TMC1: variants seen among roughly 807,000 people sequenced by gnomAD.
TMC1 encodes transmembrane channel like 1.
TMC1 carries 84 observed loss-of-function variants against 105.8 expected under a neutral mutation model. The observed-to-expected ratio is 0.79, with a 90% CI of 0.67 to 0.95. TMC1 has a LOEUF of 0.95. Ranked by LOEUF, TMC1 falls within the 40% of genes least tolerant of loss-of-function variation. The pLI is 0.00. For missense variants in TMC1, 817 were observed against 914.1 expected (o/e 0.89, Z 1.37); for synonymous variants, 315 against 311.5 (o/e 1.01, Z -0.12).
chr9:72,582,661 C>T (rs921176592), intron 2 of TMC1, among the ~76,000 whole-genome samples: 3 of 152,178 alleles, frequency 2.0e-5, no homozygotes, highest in Admixed American at 2.0e-4. Flanking sequence ...ATTTCTAGCT[C>T]AATGAATGGG....
At chr9:72,547,029 G>A (rs992590263) in intron 1 of TMC1, among the ~76,000 whole-genome samples, 6 of 152,140 alleles carry the variant, frequency 3.9e-5, no homozygotes, top group Non-Finnish European at 5.9e-5. Context: ...GCTCATGCCC[G>A]TAATCCCAGC....
intron 1 of TMC1, among the ~76,000 whole-genome samples, chr9:72,539,245 C>A (rs117380477): frequency 0.036 from 5,498 of 150,666 alleles, 133 homozygotes; most frequent in Middle Eastern, 0.086. Flanking sequence ...AAAACAACAA[C>A]AAAAAAACAA....
chr9:72,660,795 T>G (rs1825959421), intron 5 of TMC1, among the ~76,000 whole-genome samples: 1 of 152,202 alleles, frequency 6.6e-6, no homozygotes, highest in Non-Finnish European at 1.5e-5. Flanking sequence ...TACAATAATG[T>G]CATTCTGATC....
chr9:72,709,986 C>T (rs1432632938), intron 8 of TMC1, among the ~76,000 whole-genome samples: 1 of 152,080 alleles, frequency 6.6e-6, no homozygotes, highest in Non-Finnish European at 1.5e-5. Context: ...TTGGTGTAGG[C>T]ATTTAATGCT....
chr9:72,700,546 T>C lies in TMC1; in HGVS notation c.265T>C (p.Leu89=), dbSNP rs886043585. 6.3e-7 allele frequency: 1 copy of C among 1,598,940 alleles called. No homozygotes were observed. The highest frequency in any genetic ancestry group is 1.3e-5 in the African/African-American group (1 of 74,408). The change falls in exon 8 of 24, where the codon TTG becomes CTG. Residue 89 remains leucine (L), a synonymous_variant. Transcript: ENST00000297784. The part of the protein sequence containing the change: ...AEEEEIDEEE[L]ERLKAELDEK... ...AGAAGAAGAAATTGATGAAGAGGAA[T>C]TGGAAAGATTGAAGGCAGAGTTAGA...
At chr9:72,541,198 A>G (rs1823669917) in intron 1 of TMC1, among the ~76,000 whole-genome samples, 1 of 152,170 alleles carries the variant, frequency 6.6e-6, no homozygotes, top group Non-Finnish European at 1.5e-5. Flanking sequence ...CTAGCCACCT[A>G]TTTTGATGCC....
intron 8 of TMC1, among the ~76,000 whole-genome samples, chr9:72,729,435 G>A (rs1479757681): frequency 3.3e-5 from 5 of 151,992 alleles, no homozygotes; most frequent in African/African-American, 1.2e-4. Flanking sequence ...TTTTCAGATA[G>A]TCAGGTAGTT....
At position 72,562,735 on chromosome 9, in the gene TMC1, C is replaced by T. The variant is rs183195067; in HGVS notation, c.-427-15167C>T. 5.3e-5 allele frequency among the ~76,000 whole-genome samples: 8 copies of T among 151,884 alleles called. No individual in the cohort carries two copies. In the East Asian group the frequency reaches 7.7e-4, roughly 15 times the overall value. On this transcript the variant is annotated intron_variant, in intron 1 of 23. Transcript: ENST00000297784. ...AGTTTCCAAGTAAGAAAAATCATAG[C>T]GAAATGGTATAATTGGTATAATAAC...
chr9:72,607,105 A>G (rs1456684814), intron 2 of TMC1, among the ~76,000 whole-genome samples: 13 of 151,962 alleles, frequency 8.6e-5, no homozygotes, highest in Non-Finnish European at 1.5e-4. Flanking sequence ...ATCATCCAGA[A>G]CATGGTGTAA....
chr9:72,700,655 C>CTTTT lies in TMC1; in HGVS notation c.362+14_362+17dup. On this transcript the variant is annotated intron_variant, in intron 8 of 23. Coordinates refer to ENST00000297784, the MANE Select transcript of TMC1 (RefSeq NM_138691.3). ...ATTGAAGTTCTCAAGTATGGTGCCA[C>CTTTT]TTTTTATAAGTAGAAACACTTTCCC... The CTTTT allele has an allele frequency of 6.4e-7, 1 of 1,572,708 alleles. No homozygotes were observed. The highest frequency in any genetic ancestry group is 8.7e-7 in the Non-Finnish European group (1 of 1,154,284).
chr9:72,719,484 G>A (rs186155065), intron 8 of TMC1, among the ~76,000 whole-genome samples: 197 of 152,168 alleles, frequency 1.3e-3, no homozygotes, highest in East Asian at 5.2e-3. Context: ...GTGTATATTC[G>A]GGGCAGGGGA....
chr9:72,522,345 C>T (rs1357185976), intron 1 of TMC1, among the ~76,000 whole-genome samples: 1 of 152,170 alleles, frequency 6.6e-6, no homozygotes, highest in African/African-American at 2.4e-5. Context: ...TCGTGATCCG[C>T]CCGCCTCAGC....
intron 10 of TMC1, among the ~76,000 whole-genome samples, chr9:72,749,147 T>C (rs1261243023): frequency 1.3e-5 from 2 of 152,200 alleles, no homozygotes; most frequent in African/African-American, 4.8e-5. Flanking sequence ...TTAAGTATAT[T>C]TGTACCCTAC....
intron 20 of TMC1, among the ~76,000 whole-genome samples, chr9:72,823,710 C>A (rs945146935): frequency 6.6e-6 from 1 of 152,186 alleles, no homozygotes; most frequent in Non-Finnish European, 1.5e-5. Flanking sequence ...TTTCCTGACA[C>A]CTGATGTTTC....
At chr9:72,729,293 T>C (rs1827169381) in intron 8 of TMC1, among the ~76,000 whole-genome samples, 5 of 152,142 alleles carry the variant, frequency 3.3e-5, no homozygotes, top group Non-Finnish European at 7.4e-5. Context: ...ATCTAAAAAA[T>C]ATATATTTTA....
chr9:72,701,416 C>T (rs1394689190), intron 8 of TMC1, among the ~76,000 whole-genome samples: 2 of 152,072 alleles, frequency 1.3e-5, no homozygotes, highest in Non-Finnish European at 2.9e-5. Flanking sequence ...TATTTCCCTG[C>T]CCTGGTGGTT....
At chr9:72,781,678 A>G (rs1256083416) in intron 13 of TMC1, among the ~76,000 whole-genome samples, 1 of 152,208 alleles carries the variant, frequency 6.6e-6, no homozygotes, top group African/African-American at 2.4e-5. Context: ...AGATTATTAC[A>G]AACACCTCTA....
intron 5 of TMC1, among the ~76,000 whole-genome samples, chr9:72,676,504 G>A (rs910076006): frequency 2.6e-5 from 4 of 152,062 alleles, no homozygotes; most frequent in Admixed American, 6.6e-5. Context: ...CACAGCAACC[G>A]TACACAATAA....
chr9:72,592,732 C>G (rs1157404862), intron 2 of TMC1, among the ~76,000 whole-genome samples: 1 of 152,194 alleles, frequency 6.6e-6, no homozygotes, highest in Non-Finnish European at 1.5e-5. Flanking sequence ...GTATCAGATG[C>G]TCAATGTCTT....
Sources: allele counts gnomAD v4.1 joint callset (sites outside exome capture counted in the v4.1 genomes callset), GRCh38; gene constraint gnomAD v4.1.1; transcripts MANE v1.5; gene names NCBI Gene and HGNC (gene_info 2026-07-23, HGNC 2026-07-21).